PKP4: variants seen among roughly 807,000 people sequenced by gnomAD.
The protein encoded by PKP4 is plakophilin 4, also known as plakophilin-4.
In PKP4, 90 loss-of-function variants were observed where a neutral mutation model predicts 145.1. That is an observed-to-expected ratio of 0.62 (90% confidence interval 0.52 to 0.74). The LOEUF (loss-of-function observed/expected upper bound fraction) is 0.74, where lower values mean the gene tolerates loss of function less well. Ranked by LOEUF, PKP4 falls within the 30% of genes least tolerant of loss-of-function variation. PKP4 has a pLI of 0.00. For synonymous variants in PKP4, 563 were observed against 577.2 expected (o/e 0.98, Z 0.35); for missense variants, 1,340 against 1,482.7 (o/e 0.90, Z 1.58).
chr2:158,614,242 GTA>G (rs1037644988), intron 4 of PKP4, among the ~76,000 whole-genome samples: 5 of 152,124 alleles, frequency 3.3e-5, no homozygotes, highest in African/African-American at 1.2e-4. Flanking sequence ...ATGGAAAAAA[GTA>G]TGCATAAAGT....
chr2:158,556,489 G>A (rs538906422), intron 2 of PKP4, among the ~76,000 whole-genome samples: 6 of 151,006 alleles, frequency 4.0e-5, no homozygotes, highest in East Asian at 1.9e-4. Flanking sequence ...GGAGAAATAC[G>A]GATAGATAAA....
At chr2:158,568,262 C>G (rs565028278) in intron 2 of PKP4, among the ~76,000 whole-genome samples, 1 of 152,150 alleles carries the variant, frequency 6.6e-6, no homozygotes, top group African/African-American at 2.4e-5. Flanking sequence ...CACTTGAACC[C>G]GGGAGGCAGA....
chr2:158,520,090 T>C (rs2042245006), intron 1 of PKP4, among the ~76,000 whole-genome samples: 1 of 152,222 alleles, frequency 6.6e-6, no homozygotes, highest in Non-Finnish European at 1.5e-5. Flanking sequence ...AAAATGCCCA[T>C]GTGTAATTCG....
Position 158,603,109 on chromosome 2 carries a change from G to A in PKP4, c.280+5G>A. The stretch of plus-strand genomic sequence containing the variant: ...CATTTCCTTGGAGATCAACAGGTAT[G>A]TTTTTTATTATATAAAAGTTATGTT... On this transcript the variant is annotated splice_donor_5th_base_variant and intron_variant, in intron 4 of 21. Transcript: ENST00000389759. 6.9e-7 allele frequency: 1 copy of A among 1,449,976 alleles called. No homozygotes were observed. The highest frequency in any genetic ancestry group is 9.4e-7 in the Non-Finnish European group (1 of 1,064,656). The allele number at this position is 1,449,976 out of a possible 1,614,324, so 89.8% of individuals were successfully genotyped here.
chr2:158,563,338 C>G (rs1015121999), intron 2 of PKP4, among the ~76,000 whole-genome samples: 1 of 152,138 alleles, frequency 6.6e-6, no homozygotes, highest in African/African-American at 2.4e-5. Context: ...AGCCACCCTA[C>G]AGGCATCCAG....
At chr2:158,492,149 T>C (rs1285292683) in intron 1 of PKP4, among the ~76,000 whole-genome samples, 4 of 151,478 alleles carry the variant, frequency 2.6e-5, no homozygotes, top group Admixed American at 6.6e-5. Context: ...ACAATTTGGC[T>C]CTCTTGCACC....
At chr2:158,608,465 C>T (rs552084416) in intron 4 of PKP4, among the ~76,000 whole-genome samples, 1 of 152,292 alleles carries the variant, frequency 6.6e-6, no homozygotes, top group Non-Finnish European at 1.5e-5. Flanking sequence ...CTCCCCTCGC[C>T]ACAGGTGTGT....
rs375877667 is a variant in PKP4, at chr2:158,673,196, C to T, written c.2925-481C>T. Among the ~76,000 whole-genome samples the T allele has an allele frequency of 4.6e-5, 7 of 152,248 alleles. No individual in the cohort carries two copies. In the East Asian group the frequency reaches 9.7e-4, roughly 21 times the overall value. ...ATGTTTTCCAAATTCAACATTAGAA[C>T]GCACATTAGTCTACTTAGAGGTATG... is the stretch of plus-strand genomic sequence containing the variant. On this transcript the variant is annotated intron_variant, in intron 17 of 21. Coordinates refer to ENST00000389759, the MANE Select transcript of PKP4 (RefSeq NM_003628.6).
intron 7 of PKP4, among the ~76,000 whole-genome samples, chr2:158,628,900 C>T (rs1349181772): frequency 6.6e-6 from 1 of 152,124 alleles, no homozygotes; most frequent in East Asian, 1.9e-4. Context: ...TGTAAATGAT[C>T]CTCAGTGTCT....
At chr2:158,460,633 A>G (rs1027800916) in intron 1 of PKP4, among the ~76,000 whole-genome samples, 1 of 152,174 alleles carries the variant, frequency 6.6e-6, no homozygotes, top group African/African-American at 2.4e-5. Context: ...TTCTGTTTCA[A>G]TTGAGCAGTA....
At position 158,531,326 on chromosome 2, in the gene PKP4, T is replaced by C. The variant is rs548409003; in HGVS notation, c.-5-1854T>C. On this transcript the variant is annotated intron_variant, in intron 1 of 21. Coordinates refer to ENST00000389759, the MANE Select transcript of PKP4 (RefSeq NM_003628.6). The stretch of plus-strand genomic sequence containing the variant: ...ACATTGGTTGTTTCATATTATACTC[T>C]TGACATTTAAAATTTTTGGTTCTTG... 1.2e-3 allele frequency among the ~76,000 whole-genome samples: 186 copies of C among 152,316 alleles called. 1 individual carries two copies. The highest frequency in any genetic ancestry group is 2.2e-3 in the Non-Finnish European group (148 of 68,024).
At chr2:158,491,705 C>T (rs1216019727) in intron 1 of PKP4, among the ~76,000 whole-genome samples, 2 of 152,040 alleles carry the variant, frequency 1.3e-5, no homozygotes, top group Non-Finnish European at 2.9e-5. Flanking sequence ...GTTCTCCCTT[C>T]ACCCCCCACC....
At chr2:158,474,661 G>C (rs1260305406) in intron 1 of PKP4, among the ~76,000 whole-genome samples, 1 of 152,082 alleles carries the variant, frequency 6.6e-6, no homozygotes, top group East Asian at 1.9e-4. Flanking sequence ...CGGGTTTTTT[G>C]CCTTTCCCTC....
At chr2:158,513,171 G>A (rs535276511) in intron 1 of PKP4, among the ~76,000 whole-genome samples, 2 of 152,280 alleles carry the variant, frequency 1.3e-5, no homozygotes, top group East Asian at 3.9e-4. Flanking sequence ...CATGTTAAGA[G>A]TCTGTTCCTT....
intron 1 of PKP4, among the ~76,000 whole-genome samples, chr2:158,528,692 C>G (rs372298064): frequency 1.6e-4 from 17 of 103,516 alleles, no homozygotes; most frequent in African/African-American, 5.5e-4. Flanking sequence ...AAAAAGAGAC[C>G]TGGGCAAAGA....
At chr2:158,577,455 A>C in intron 3 of PKP4, 72 bp downstream of exon 3, 1 of 923,370 alleles carries the variant, frequency 1.1e-6, no homozygotes, top group Non-Finnish European at 1.7e-6. Flanking sequence ...TCTATGCAGC[A>C]AAAGATTCTG....
At chr2:158,636,180 ACTTC>A (rs2053794258) in intron 9 of PKP4, among the ~76,000 whole-genome samples, 1 of 152,108 alleles carries the variant, frequency 6.6e-6, no homozygotes, top group Non-Finnish European at 1.5e-5. Context: ...GGCCTAAAGA[ACTTC>A]CTTTAGCCTT....
Position 158,521,967 on chromosome 2 carries a change from T to A in PKP4, c.-5-11213T>A, listed in dbSNP as rs78134324. 4.3e-3 allele frequency among the ~76,000 whole-genome samples: 656 copies of A among 152,330 alleles called. 39 individuals carry two copies. In the East Asian group the frequency reaches 0.12, roughly 27 times the overall value. On this transcript the variant is annotated intron_variant, in intron 1 of 21. Coordinates refer to ENST00000389759, the MANE Select transcript of PKP4 (RefSeq NM_003628.6). ...TCACGCTTTCTTTAACCTTTATTTT[T>A]TATTAATTTGTTCTTAGGCATCATT...
chr2:158,673,636 T>C (rs367733714), intron 17 of PKP4, 41 bp from the exon 18 acceptor site: 51 of 1,426,258 alleles, frequency 3.6e-5, no homozygotes, highest in Non-Finnish European at 4.4e-5. Context: ...GGGCTGAGGC[T>C]GTGTCACCCA....
Sources: gnomAD v4.1 joint callset for allele counts (sites outside exome capture counted in the v4.1 genomes callset) on GRCh38, gnomAD v4.1.1 for gene constraint, MANE v1.5 for transcripts, NCBI Gene and HGNC (gene_info 2026-07-23, HGNC 2026-07-21) for gene names.